The following SPTA1 variants were observed in gnomAD, a reference collection of about 807,000 sequenced individuals.
SPTA1 encodes the protein spectrin alpha, erythrocytic 1, also known as spectrin alpha chain, erythrocytic 1.
In SPTA1, 177 loss-of-function variants were observed where a neutral mutation model predicts 324.7. The ratio of observed to expected loss-of-function variants is 0.55; its 90% CI spans 0.48 to 0.62. SPTA1 has a LOEUF of 0.62. Among genes scored for constraint, SPTA1 ranks in the 20% least tolerant of loss-of-function variants. The pLI is 0.00. For synonymous variants in SPTA1, 1,195 were observed against 1,041.3 expected (o/e 1.15, Z -2.84); for missense variants, 3,162 against 2,883.6 (o/e 1.10, Z -2.21).
rs1306500516 is a variant in SPTA1 at position 158,676,031 on chromosome 1, G to A, written c.1112+110C>T. 3.5e-6 allele frequency: 5 copies of A among 1,443,238 alleles called. No homozygotes were observed. In the East Asian group the frequency reaches 6.9e-5, roughly 20 times the overall value. 89.4% of individuals were successfully genotyped at this position (1,443,238 alleles called of 1,614,324 possible). A position where few individuals can be genotyped will look rare whatever the true frequency, so the allele number is the denominator to read the frequency against. On this transcript the variant is annotated intron_variant, in intron 8 of 51. Transcript: ENST00000643759. ...TATTTTGTCTCTACTGAGCAGGCAG[G>A]AGAGCTGATTCTCTCGCTATTTGAC...
In SPTA1 at chr1:158,636,670, C is replaced by A. The variant is rs753849540; in HGVS notation, c.5281G>T (p.Glu1761Ter). 4 of 1,614,068 alleles carry A rather than the reference C, an allele frequency of 2.5e-6. No individual in the cohort carries two copies. Among genetic ancestry groups the A allele is most frequent in the Non-Finnish European group, 3.4e-6 (4 of 1,179,998 alleles). Residue 1761 changes from glutamate to a stop codon, truncating the protein, a stop_gained, in exon 37 of 52, where the codon GAG becomes TAG. Coordinates refer to ENST00000643759, the MANE Select transcript of SPTA1 (RefSeq NM_003126.4). LOFTEE classifies it high-confidence loss of function. Reference sequence around the variant, plus strand: ...ATGGCAGGCTCATGGGCCACCAGCTCCCCCTCTAGGCGTTTGTGCTTCTTC... The same window carrying A: ...ATGGCAGGCTCATGGGCCACCAGCTACCCCTCTAGGCGTTTGTGCTTCTTC... ...LLKKHKRLEG[E>*]LVAHEPAIQN...
chr1:158,635,861 G>T, intron 38 of SPTA1, 52 bp downstream of exon 38: 5 of 1,613,782 alleles, frequency 3.1e-6, no homozygotes, highest in Middle Eastern at 1.7e-4. Context: ...CCCAACACCT[G>T]CCCAATATCC....
chr1:158,680,030 T>A (rs1654683521), intron 5 of SPTA1, among the ~76,000 whole-genome samples: 1 of 152,180 alleles, frequency 6.6e-6, no homozygotes, highest in South Asian at 2.1e-4. Flanking sequence ...ATTTTACATC[T>A]ATATACTTAC....
intron 32 of SPTA1, 128 bp from the exon 33 acceptor site, chr1:158,642,670 C>G: frequency 6.4e-7 from 1 of 1,567,524 alleles, no homozygotes; most frequent in Non-Finnish European, 8.8e-7. Flanking sequence ...TCTGAAGAAC[C>G]TGCTCCACAT....
intron 1 of SPTA1, among the ~76,000 whole-genome samples, chr1:158,686,260 T>C (rs565001882): frequency 1.9e-4 from 29 of 152,208 alleles, no homozygotes; most frequent in Admixed American, 3.9e-4. Context: ...TTAGCTTCAA[T>C]CTCCCTACTT....
chr1:158,621,280 G>A (rs1031469133), intron 43 of SPTA1, among the ~76,000 whole-genome samples: 2 of 152,104 alleles, frequency 1.3e-5, no homozygotes, highest in Middle Eastern at 3.2e-3. Context: ...TTCTAAAGAG[G>A]TTTGTCTTGA....
At chr1:158,615,459 C>T in intron 47 of SPTA1, 56 bp from the exon 48 acceptor site, 2 of 1,563,400 alleles carry the variant, frequency 1.3e-6, no homozygotes, top group Non-Finnish European at 1.8e-6. Flanking sequence ...CAGCTCAAAA[C>T]CTAGAGGTGG....
intron 45 of SPTA1, among the ~76,000 whole-genome samples, chr1:158,618,601 AC>A (rs1001126597): frequency 1.3e-5 from 2 of 152,214 alleles, no homozygotes; most frequent in Admixed American, 6.5e-5. Flanking sequence ...AGAAGATGTG[AC>A]ATATGTTATC....
At position 158,669,390 on chromosome 1, in the gene SPTA1, C is replaced by A. The variant is rs1167322316; in HGVS notation, c.1833+18G>T. ...GAACTCCTGATAACTACATCCAGCT[C>A]CTGAAAACTCTGCCTACCTTGTAAT... is the stretch of plus-strand genomic sequence containing the variant. On this transcript the variant is annotated intron_variant, in intron 14 of 51. Coordinates refer to ENST00000643759, the MANE Select transcript of SPTA1 (RefSeq NM_003126.4). 1 of 1,614,006 alleles carries A rather than the reference C, an allele frequency of 6.2e-7. No individual in the cohort carries two copies. Among genetic ancestry groups the A allele is most frequent in the East Asian group, 2.2e-5 (1 of 44,888 alleles).
chr1:158,629,284 C>A (rs1028389447), intron 39 of SPTA1, among the ~76,000 whole-genome samples: 1 of 151,646 alleles, frequency 6.6e-6, no homozygotes, highest in African/African-American at 2.4e-5. Context: ...CAAAACTCCT[C>A]AACAAAATAC....
chr1:158,626,450 G>GA (rs1021511391), intron 41 of SPTA1, among the ~76,000 whole-genome samples: 11 of 150,134 alleles, frequency 7.3e-5, no homozygotes, highest in East Asian at 3.9e-4. Flanking sequence ...GTACTTCATA[G>GA]AAAAAAAAAG....
chr1:158,660,028 C>A (rs1248026986), intron 18 of SPTA1, among the ~76,000 whole-genome samples: 1 of 152,144 alleles, frequency 6.6e-6, no homozygotes, highest in Non-Finnish European at 1.5e-5. Flanking sequence ...TAAACATACA[C>A]ACACAAACAC....
chr1:158,639,656 C>A lies in SPTA1; in HGVS notation c.4906G>T (p.Ala1636Ser), dbSNP rs758634526. 24 of 1,613,754 alleles carry A rather than the reference C, an allele frequency of 1.5e-5. No homozygotes were observed. The highest frequency in any genetic ancestry group is 2.2e-5 in the East Asian group (1 of 44,874). The part of the protein sequence containing the change: ...AETLLAMKDQ[A>S]RDLASAGNLL... ...TTTCCTGCTGAAGCCAAGTCCCTGG[C>A]CTGATCTTTCATGGCCAGCAATGTC... The change falls in exon 35 of 52, where the codon GCC becomes TCC. Residue 1636 changes from alanine to serine, a missense_variant. By Grantham distance (99) the Ala-to-Ser change is moderately conservative. Coordinates refer to ENST00000643759, the MANE Select transcript of SPTA1 (RefSeq NM_003126.4).
chr1:158,653,971 G>T (rs1652646322), intron 21 of SPTA1, among the ~76,000 whole-genome samples: 1 of 152,106 alleles, frequency 6.6e-6, no homozygotes, highest in Admixed American at 6.6e-5. Context: ...AGAAAAAATG[G>T]ACTGGCACAC....
At chr1:158,678,296 G>A in intron 6 of SPTA1, 105 bp downstream of exon 6, 1 of 1,484,818 alleles carries the variant, frequency 6.7e-7, no homozygotes, top group Non-Finnish European at 9.4e-7. Flanking sequence ...TTTGTTTGAA[G>A]TGTTGACCAT....
Position 158,615,345 on chromosome 1 carries a change from C to T in SPTA1, c.6659G>A (p.Gly2220Glu). ...KRQLTKIVDL[G>E]DNLEDALILD... is the part of the protein sequence containing the mutation. ...GATCAGAGCGTCTTCCAAGTTGTCC[C>T]CCAGGTCCACAATCTTGGTTAGTTG... is the stretch of plus-strand genomic sequence containing the variant. Residue 2220 changes from glycine (G) to glutamate (E), a missense_variant, in exon 48 of 52, where the codon GGG becomes GAG. Gly to Glu is a moderately conservative substitution (Grantham distance 98, BLOSUM62 -2). Transcript: ENST00000643759. The T allele has an allele frequency of 1.9e-6, 3 of 1,614,104 alleles. No individual in the cohort carries two copies. Among genetic ancestry groups the T allele is most frequent in the South Asian group, 1.1e-5 (1 of 91,074 alleles).
At position 158,671,335 on chromosome 1, in the gene SPTA1, T is replaced by C. The variant is rs374686653; in HGVS notation, c.1599+8A>G. ...GAGCCAATGCCCAAACTAGGGCCAA[T>C]TTCTTACTATGATCTTCTCTTCCTG... On this transcript the variant is annotated splice_region_variant and intron_variant, in intron 12 of 51. Transcript: ENST00000643759. 2.6e-5 allele frequency: 42 copies of C among 1,612,282 alleles called. No homozygotes were observed. In the African/African-American group the frequency reaches 5.5e-4, roughly 21 times the overall value.
chr1:158,659,113 T>G (rs1330369165), intron 18 of SPTA1, among the ~76,000 whole-genome samples: 1 of 152,100 alleles, frequency 6.6e-6, no homozygotes, highest in Non-Finnish European at 1.5e-5. Flanking sequence ...TTTAATAATC[T>G]CATTCAAAAC....
At chr1:158,634,454 G>T in intron 39 of SPTA1, 89 bp downstream of exon 39, 1 of 1,536,782 alleles carries the variant, frequency 6.5e-7, no homozygotes, top group Non-Finnish European at 8.9e-7. Context: ...CCAGAAAAAT[G>T]TCCTAATATT....
Sources: allele counts gnomAD v4.1 joint callset (sites outside exome capture counted in the v4.1 genomes callset), GRCh38; gene constraint gnomAD v4.1.1; transcripts MANE v1.5; gene names NCBI Gene and HGNC (gene_info 2026-07-23, HGNC 2026-07-21).